Variants in ST3GAL6 observed in about 807,000 individuals in gnomAD.
ST3GAL6 encodes ST3 beta-galactoside alpha-2,3-sialyltransferase 6, also known as type 2 lactosamine alpha-2,3-sialyltransferase.
Under a neutral mutation model 40.5 loss-of-function variants are expected in ST3GAL6, and 31 were observed. The observed-to-expected ratio is 0.77, with a 90% CI of 0.58 to 1.03. ST3GAL6 has a LOEUF of 1.03. Ranked by LOEUF, ST3GAL6 falls within the 50% of genes least tolerant of loss-of-function variation. The probability of loss-of-function intolerance (pLI) is 0.00; values close to 1 mark genes in which losing one functional copy is unlikely to be tolerated. For synonymous variants in ST3GAL6, 129 were observed against 136.9 expected, an observed-to-expected ratio of 0.94 and a Z score of 0.40; for missense variants, 357 against 393.2, an observed-to-expected ratio of 0.91 and a Z score of 0.78.
rs1941569204 is a variant in ST3GAL6, at chr3:98,795,840, T to G, written c.*2079T>G. On this transcript the variant is annotated 3_prime_UTR_variant, in exon 10 of 10. Coordinates refer to ENST00000483910, the MANE Select transcript of ST3GAL6 (RefSeq NM_001323368.2). ...AATCTAAAATAAAAGTTGAAATTATTTTTTTAAAAAAAGGATGGCGCTGGT... is the reference window on the plus strand; with the variant it reads ...AATCTAAAATAAAAGTTGAAATTATGTTTTTAAAAAAAGGATGGCGCTGGT... 6.6e-6 allele frequency: 1 copy of G among 152,260 alleles called. No homozygotes were observed. Among genetic ancestry groups the G allele is most frequent in the South Asian group, 2.1e-4 (1 of 4,824 alleles). 9.4% of individuals were successfully genotyped at this position (152,260 alleles called of 1,614,324 possible). A position where few individuals can be genotyped will look rare whatever the true frequency, so the allele number is the denominator to read the frequency against.
At chr3:98,738,026 G>C (rs1935703595) in intron 1 of ST3GAL6, among the ~76,000 whole-genome samples, 1 of 152,044 alleles carries the variant, frequency 6.6e-6, no homozygotes, top group Non-Finnish European at 1.5e-5. Context: ...CCATCCCCCT[G>C]GGTGCTGTTC....
At chr3:98,791,051 A>C (rs539041342) in intron 8 of ST3GAL6, among the ~76,000 whole-genome samples, 43 of 152,274 alleles carry the variant, frequency 2.8e-4, no homozygotes, top group Non-Finnish European at 4.9e-4. Flanking sequence ...AACTATAAGA[A>C]ACACTTTATT....
chr3:98,784,873 A>G lies in ST3GAL6; in HGVS notation c.336-72A>G, dbSNP rs144595277. ...TGGAATTTGGCACTGGGTTTCTGAC[A>G]GTATGCATGGATTCTTGGAATCAGT... On this transcript the variant is annotated intron_variant, in intron 5 of 9. Transcript: ENST00000483910. 42 of 1,236,034 alleles carry G rather than the reference A, an allele frequency of 3.4e-5. 1 individual carries two copies. In the African/African-American group the frequency reaches 4.5e-4, roughly 13 times the overall value. The allele number at this position is 1,236,034 out of a possible 1,614,324, so 76.6% of individuals were successfully genotyped here.
intron 2 of ST3GAL6, among the ~76,000 whole-genome samples, chr3:98,769,951 T>C (rs985340818): frequency 1.3e-5 from 2 of 152,180 alleles, no homozygotes; most frequent in Non-Finnish European, 2.9e-5. Context: ...CAAGGAGTCC[T>C]TGCCATTGTG....
intron 1 of ST3GAL6, chr3:98,732,597 C>G: frequency 2.4e-6 from 1 of 416,978 alleles, no homozygotes; most frequent in South Asian, 4.1e-5. Context: ...CCCGCAGCCT[C>G]CCACCACTTT....
intron 1 of ST3GAL6, among the ~76,000 whole-genome samples, chr3:98,750,915 T>C (rs1329161335): frequency 6.6e-6 from 1 of 152,184 alleles, no homozygotes; most frequent in Non-Finnish European, 1.5e-5. Context: ...ATGAAGGACC[T>C]TCAAGCCTGT....
intron 1 of ST3GAL6, among the ~76,000 whole-genome samples, chr3:98,767,516 T>C (rs1460260067): frequency 6.6e-6 from 1 of 152,242 alleles, no homozygotes; most frequent in Non-Finnish European, 1.5e-5. Flanking sequence ...TGCAGTTGTT[T>C]AGACGAACTA....
chr3:98,779,358 T>C (rs894949823), intron 5 of ST3GAL6, among the ~76,000 whole-genome samples: 3 of 152,308 alleles, frequency 2.0e-5, no homozygotes, highest in East Asian at 1.9e-4. Context: ...CTCACTATTA[T>C]AGGCTTAGGA....
chr3:98,738,519 C>A (rs1350732389), intron 1 of ST3GAL6, among the ~76,000 whole-genome samples: 2 of 152,188 alleles, frequency 1.3e-5, no homozygotes, highest in Non-Finnish European at 2.9e-5. Context: ...CTCAAGCAAT[C>A]CTCCTGCCTC....
chr3:98,732,947 G>C, intron 1 of ST3GAL6: 9 of 1,510,438 alleles, frequency 6.0e-6, no homozygotes, highest in Non-Finnish European at 7.9e-6. Context: ...CTCTGCGGTC[G>C]TCGCTCCTGG....
intron 5 of ST3GAL6, among the ~76,000 whole-genome samples, chr3:98,779,689 A>G (rs867346054): frequency 2.6e-5 from 4 of 152,310 alleles, no homozygotes; most frequent in South Asian, 2.1e-4. Flanking sequence ...TCTTACTACC[A>G]CTGCTTTAGC....
chr3:98,733,026 G>A, intron 1 of ST3GAL6: 3 of 1,437,902 alleles, frequency 2.1e-6, no homozygotes, highest in Non-Finnish European at 2.7e-6. Context: ...GGGAAATTGG[G>A]GGTGCGGGAA....
At chr3:98,753,488 CAG>C (rs1386810813) in intron 1 of ST3GAL6, among the ~76,000 whole-genome samples, 3 of 152,212 alleles carry the variant, frequency 2.0e-5, no homozygotes, top group Non-Finnish European at 4.4e-5. Flanking sequence ...TCATTGTAGA[CAG>C]ACAGTCTTCT....
chr3:98,753,879 A>T (rs545947825), intron 1 of ST3GAL6, among the ~76,000 whole-genome samples: 2 of 152,334 alleles, frequency 1.3e-5, no homozygotes, highest in South Asian at 4.1e-4. Flanking sequence ...TAAGCCAGTT[A>T]TTGAGACCTG....
At chr3:98,732,816 C>T (rs989755691) in intron 1 of ST3GAL6, 15 of 1,480,388 alleles carry the variant, frequency 1.0e-5, no homozygotes, top group Non-Finnish European at 1.3e-5. Context: ...GCCCCTGGCC[C>T]GCGCCACCTT....
intron 1 of ST3GAL6, among the ~76,000 whole-genome samples, chr3:98,751,641 T>A (rs575157322): frequency 1.3e-5 from 2 of 152,338 alleles, no homozygotes; most frequent in East Asian, 3.9e-4. Context: ...TACATTCTCA[T>A]TTAATGTCAT....
In ST3GAL6 at chr3:98,732,974, C is replaced by G. The variant is rs966911020; in HGVS notation, c.-12+442C>G. ...CGCTCCTGGGCCTCGGCGGGTCACT[C>G]TTGCCGGCCGGCTTCGCTGCGGGTT... On this transcript the variant is annotated intron_variant, in intron 1 of 9. Transcript: ENST00000265261. 4 of 1,496,352 alleles carry G rather than the reference C, an allele frequency of 2.7e-6. No homozygotes were observed. In the Admixed American group the frequency reaches 6.3e-5, roughly 24 times the overall value. 92.7% of individuals were successfully genotyped at this position (1,496,352 alleles called of 1,614,324 possible).
At chr3:98,789,246 A>G (rs915873586) in intron 8 of ST3GAL6, among the ~76,000 whole-genome samples, 2 of 152,212 alleles carry the variant, frequency 1.3e-5, no homozygotes, top group Admixed American at 6.5e-5. Flanking sequence ...GCATGATAAG[A>G]ATTGTGATTA....
At chr3:98,744,677 C>A (rs57827462) in intron 1 of ST3GAL6, among the ~76,000 whole-genome samples, 147 of 152,250 alleles carry the variant, frequency 9.7e-4, no homozygotes, top group African/African-American at 3.3e-3. Flanking sequence ...TATTCATCCT[C>A]CTAGACCAGA....
Sources: allele counts gnomAD v4.1 joint callset (sites outside exome capture counted in the v4.1 genomes callset), GRCh38; gene constraint gnomAD v4.1.1; transcripts MANE v1.5; gene names NCBI Gene and HGNC (gene_info 2026-07-23, HGNC 2026-07-21).